DENND4C: variants seen among roughly 807,000 people sequenced by gnomAD.
DENND4C encodes the protein DENN domain-containing protein 4C.
DENND4C carries 108 observed loss-of-function variants against 203.0 expected under a neutral mutation model. That is an observed-to-expected ratio of 0.53 (90% confidence interval 0.46 to 0.62). The LOEUF is 0.62. DENND4C is among the 20% of genes least tolerant of loss of function. The probability of loss-of-function intolerance (pLI) is 0.00; values close to 1 mark genes in which losing one functional copy is unlikely to be tolerated. For missense variants in DENND4C, 2,481 were observed against 2,301.2 expected (o/e 1.08, Z -1.60); for synonymous variants, 871 against 792.4 (o/e 1.10, Z -1.67).
intron 10 of DENND4C, among the ~76,000 whole-genome samples, chr9:19,315,023 G>A (rs1841519153): frequency 6.6e-6 from 1 of 152,000 alleles, no homozygotes; most frequent in Non-Finnish European, 1.5e-5. Context: ...AGCTGGGCGT[G>A]ATGGCGCGCC....
intron 16 of DENND4C, among the ~76,000 whole-genome samples, chr9:19,329,659 C>T (rs908929078): frequency 1.3e-5 from 2 of 152,154 alleles, no homozygotes; most frequent in Non-Finnish European, 2.9e-5. Flanking sequence ...CTTTACATTC[C>T]CACCAGTAGT....
Position 19,350,732 on chromosome 9 carries a change from G to T in DENND4C, c.4348G>T (p.Ala1450Ser). 2 of 1,613,396 alleles carry T rather than the reference G, an allele frequency of 1.2e-6. No homozygotes were observed. Among genetic ancestry groups the T allele is most frequent in the Non-Finnish European group, 1.7e-6 (2 of 1,179,784 alleles). ...AACTAATAGAGACTACAGCTTCCCA[G>T]CTGGCCTAGAAGACCATATTTTGGG... is the stretch of plus-strand genomic sequence containing the variant. ...EETNRDYSFP[A>S]GLEDHILGEN... Residue 1450 changes from alanine (A) to serine (S), a missense_variant, in exon 24 of 33, where the codon GCT (alanine) becomes TCT (serine). This residue lies in a region of DENND4C where 2,289 missense variants were observed against 2,113.3 expected (regional missense o/e 1.08). Transcript: ENST00000434457.
chr9:19,232,793 A>G (rs1037522281), intron 1 of DENND4C, among the ~76,000 whole-genome samples: 5 of 152,204 alleles, frequency 3.3e-5, no homozygotes, highest in Admixed American at 6.5e-5. Flanking sequence ...ATAAAGAAAC[A>G]TATTAAGTAT....
intron 10 of DENND4C, among the ~76,000 whole-genome samples, chr9:19,313,799 G>A (rs771265633): frequency 5.3e-5 from 8 of 152,122 alleles, no homozygotes; most frequent in Non-Finnish European, 4.4e-5. Flanking sequence ...TGCCAGTAGC[G>A]TGCTGTCAAA....
At chr9:19,337,469 C>A in intron 20 of DENND4C, 1 of 304,892 alleles carries the variant, frequency 3.3e-6, no homozygotes, top group Non-Finnish European at 5.5e-6. Context: ...GGGTCTAATT[C>A]CTGTGCTTCA....
chr9:19,310,267 TA>T (rs1282074005), intron 10 of DENND4C, among the ~76,000 whole-genome samples: 1 of 152,226 alleles, frequency 6.6e-6, no homozygotes, highest in African/African-American at 2.4e-5. Flanking sequence ...CTAGGATCGC[TA>T]GTGTAATGTT....
chr9:19,302,422 A>G (rs1482980407), intron 9 of DENND4C, among the ~76,000 whole-genome samples: 1 of 152,228 alleles, frequency 6.6e-6, no homozygotes, highest in Non-Finnish European at 1.5e-5. Flanking sequence ...AAGGTTTCTT[A>G]GATAGTTGGA....
chr9:19,241,667 G>T (rs1280941851), intron 1 of DENND4C, among the ~76,000 whole-genome samples: 1 of 152,084 alleles, frequency 6.6e-6, no homozygotes, highest in Admixed American at 6.6e-5. Context: ...CAATACTCAC[G>T]TGGATCTGTC....
At chr9:19,294,679 A>C (rs963773496) in intron 5 of DENND4C, among the ~76,000 whole-genome samples, 1 of 152,232 alleles carries the variant, frequency 6.6e-6, no homozygotes, top group Non-Finnish European at 1.5e-5. Context: ...TATGGTATAT[A>C]TATATGATGG....
chr9:19,276,561 A>T (rs1832932965), intron 2 of DENND4C, 82 bp downstream of exon 2: 1 of 800,726 alleles, frequency 1.2e-6, no homozygotes, highest in South Asian at 6.7e-5. Flanking sequence ...GAAATCCTTG[A>T]TAGTTTTATT....
At chr9:19,320,514 T>C (rs1183240528) in intron 12 of DENND4C, among the ~76,000 whole-genome samples, 1 of 152,224 alleles carries the variant, frequency 6.6e-6, no homozygotes, top group Non-Finnish European at 1.5e-5. Flanking sequence ...CTTTGAATTC[T>C]GGCATGTATT....
At chr9:19,282,722 T>C (rs1299105177) in intron 2 of DENND4C, among the ~76,000 whole-genome samples, 1 of 135,224 alleles carries the variant, frequency 7.4e-6, no homozygotes, top group East Asian at 2.1e-4. Flanking sequence ...TCTCTTTTTT[T>C]TTTTTTTTTT....
intron 2 of DENND4C, among the ~76,000 whole-genome samples, chr9:19,278,905 G>C (rs4977294): frequency 0.24 from 37,022 of 151,756 alleles, 4,594 homozygotes; most frequent in East Asian, 0.43. Context: ...GGAAGGGGAA[G>C]ATAGTTAAGG....
intron 20 of DENND4C, among the ~76,000 whole-genome samples, chr9:19,340,772 TGTA>T (rs922095050): frequency 3.3e-5 from 5 of 152,242 alleles, no homozygotes; most frequent in Non-Finnish European, 7.3e-5. Flanking sequence ...GAAATTAAGA[TGTA>T]GTGCTTCCAA....
In DENND4C at chr9:19,341,124, T is replaced by G; in HGVS notation, c.3004+10T>G. ...AAAATGCAAACAGAAGGTTAAGTAC[T>G]GATATTTACGAACTTTACTTAGAAT... On this transcript the variant is annotated intron_variant, in intron 21 of 32. Coordinates refer to ENST00000434457, the MANE Select transcript of DENND4C (RefSeq NM_001330640.2). 2.5e-6 allele frequency: 4 copies of G among 1,593,992 alleles called. No homozygotes were observed. The highest frequency in any genetic ancestry group is 3.4e-6 in the Non-Finnish European group (4 of 1,172,372).
chr9:19,287,539 G>A (rs968734038), intron 3 of DENND4C, among the ~76,000 whole-genome samples: 1 of 151,900 alleles, frequency 6.6e-6, no homozygotes, highest in African/African-American at 2.4e-5. Context: ...TAGAGACAGG[G>A]TTTCATCATG....
At chr9:19,238,904 C>T (rs974949404) in intron 1 of DENND4C, among the ~76,000 whole-genome samples, 11 of 150,116 alleles carry the variant, frequency 7.3e-5, no homozygotes, top group South Asian at 2.1e-4. Context: ...CCACCCACCT[C>T]GGCCTCCCAA....
At chr9:19,272,407 C>T (rs890787601) in intron 1 of DENND4C, among the ~76,000 whole-genome samples, 4 of 151,152 alleles carry the variant, frequency 2.6e-5, no homozygotes, top group African/African-American at 7.3e-5. Flanking sequence ...GCAACAAGAA[C>T]GAAACTCCAT....
intron 1 of DENND4C, among the ~76,000 whole-genome samples, chr9:19,242,866 G>C (rs1461423191): frequency 1.3e-5 from 2 of 152,042 alleles, no homozygotes; most frequent in Non-Finnish European, 2.9e-5. Flanking sequence ...ATGTTGGCTA[G>C]GCTAGTCTCG....
Sources: allele counts gnomAD v4.1 joint callset (sites outside exome capture counted in the v4.1 genomes callset), GRCh38; gene constraint gnomAD v4.1.1; regional missense constraint gnomAD v4.1.1; transcripts MANE v1.5; gene names NCBI Gene and HGNC (gene_info 2026-07-23, HGNC 2026-07-21).